Variants in PHACTR3 observed in about 807,000 individuals in gnomAD.
The protein encoded by PHACTR3 is protein phosphatase 1, regulatory subunit 123.
A neutral mutation model predicts 66.8 loss-of-function variants in PHACTR3; 16 were observed. That is an observed-to-expected ratio of 0.24 (90% confidence interval 0.16 to 0.36). PHACTR3 has a LOEUF of 0.36. PHACTR3 is among the 10% of genes least tolerant of loss of function. PHACTR3 has a pLI of 1.00. For missense variants in PHACTR3, 647 were observed against 719.9 expected (o/e 0.90, Z 1.16); for synonymous variants, 323 against 292.1 (o/e 1.11, Z -1.08).
intron 7 of PHACTR3, among the ~76,000 whole-genome samples, chr20:59,805,375 T>C (rs1488374524): frequency 2.0e-5 from 3 of 151,768 alleles, no homozygotes; most frequent in Non-Finnish European, 1.5e-5. Flanking sequence ...CATGGGCGGG[T>C]GGGGGAAAGG....
At chr20:59,688,895 G>T (rs540637164) in intron 1 of PHACTR3, among the ~76,000 whole-genome samples, 1 of 152,130 alleles carries the variant, frequency 6.6e-6, no homozygotes, top group African/African-American at 2.4e-5. Context: ...CTTTGTTCTC[G>T]TGGGCTTGGG....
intron 8 of PHACTR3, among the ~76,000 whole-genome samples, chr20:59,827,501 G>A (rs897477735): frequency 1.3e-5 from 2 of 152,150 alleles, no homozygotes; most frequent in Non-Finnish European, 1.5e-5. Flanking sequence ...TGCAGCTTGC[G>A]GAGCCCAGGG....
At chr20:59,708,557 G>T (rs898605770) in intron 1 of PHACTR3, among the ~76,000 whole-genome samples, 2 of 152,128 alleles carry the variant, frequency 1.3e-5, no homozygotes, top group African/African-American at 4.8e-5. Flanking sequence ...CCGCTGAGAG[G>T]CACAGAGCAT....
At chr20:59,711,431 C>A in intron 1 of PHACTR3, among the ~76,000 whole-genome samples, 1 of 152,156 alleles carries the variant, frequency 6.6e-6, no homozygotes. Flanking sequence ...CTTTTCCAAT[C>A]TGATGAGTTG....
rs559065300 is a variant in PHACTR3 at position 59,610,170 on chromosome 20, G to A, written c.118+5038G>A. 1.6e-4 allele frequency among the ~76,000 whole-genome samples: 25 copies of A among 152,284 alleles called. No individual in the cohort carries two copies. In the South Asian group the frequency reaches 5.0e-3, roughly 30 times the overall value. On this transcript the variant is annotated intron_variant, in intron 1 of 12. Transcript: ENST00000371015. ...CTTGGGGGGCTGAGCCGGGAGGATC[G>A]CTTGAGCTGGGGAAGCAGAGGTTGC...
intron 7 of PHACTR3, among the ~76,000 whole-genome samples, chr20:59,786,052 C>T (rs2040903467): frequency 6.6e-6 from 1 of 152,238 alleles, no homozygotes; most frequent in Non-Finnish European, 1.5e-5. Context: ...AATATCCTTC[C>T]CCTGTGATGC....
chr20:59,741,473 C>T (rs1179854072), intron 1 of PHACTR3, among the ~76,000 whole-genome samples: 1 of 152,204 alleles, frequency 6.6e-6, no homozygotes, highest in Non-Finnish European at 1.5e-5. Context: ...AACGTCCCTT[C>T]CCTGTCCCAG....
upstream of PHACTR3, among the ~76,000 whole-genome samples, chr20:59,600,153 G>A (rs369489150): frequency 1.3e-5 from 2 of 152,016 alleles, no homozygotes; most frequent in East Asian, 1.9e-4. Flanking sequence ...TGCCCGGGGC[G>A]CCCTTCCTCC....
intron 3 of PHACTR3, among the ~76,000 whole-genome samples, 161 bp from the exon 4 acceptor site, chr20:59,755,021 T>C (rs2039733812): frequency 6.6e-6 from 1 of 151,624 alleles, no homozygotes; most frequent in African/African-American, 2.4e-5. Flanking sequence ...CCCTGGAAAG[T>C]CCAGACTTGG....
intron 1 of PHACTR3, among the ~76,000 whole-genome samples, chr20:59,705,174 C>A (rs2037654979): frequency 2.0e-5 from 3 of 152,226 alleles, no homozygotes; most frequent in South Asian, 2.1e-4. Flanking sequence ...CCAGGCTGGT[C>A]TCCAACTCCT....
chr20:59,732,795 G>A (rs998726666), intron 1 of PHACTR3, among the ~76,000 whole-genome samples: 18 of 152,076 alleles, frequency 1.2e-4, no homozygotes, highest in African/African-American at 1.7e-4. Flanking sequence ...TTATTCACTC[G>A]CTCACTCATT....
At chr20:59,593,042 A>G (rs1371711436) in intron 1 of PHACTR3, among the ~76,000 whole-genome samples, 2 of 152,238 alleles carry the variant, frequency 1.3e-5, no homozygotes, top group Admixed American at 1.3e-4. Flanking sequence ...TCGTGTGGTA[A>G]GAGAATTTTT....
At chr20:59,807,603 T>C (rs539124745) in intron 8 of PHACTR3, among the ~76,000 whole-genome samples, 1 of 152,344 alleles carries the variant, frequency 6.6e-6, no homozygotes, top group Non-Finnish European at 1.5e-5. Flanking sequence ...ACGTGTGATG[T>C]ACTGCACGGT....
intron 1 of PHACTR3, among the ~76,000 whole-genome samples, chr20:59,740,813 G>A (rs2039129861): frequency 6.6e-6 from 1 of 152,228 alleles, no homozygotes; most frequent in Admixed American, 6.5e-5. Context: ...CCTGTCACTG[G>A]GGGCACAGAG....
chr20:59,624,507 AC>A, intron 1 of PHACTR3, among the ~76,000 whole-genome samples: 1 of 152,150 alleles, frequency 6.6e-6, no homozygotes, highest in South Asian at 2.1e-4. Context: ...ATCTGAGGAC[AC>A]CCTGCTCTGG....
At chr20:59,774,783 G>GTGAA (rs1199491577) in intron 7 of PHACTR3, among the ~76,000 whole-genome samples, 6 of 152,092 alleles carry the variant, frequency 3.9e-5, no homozygotes, top group Admixed American at 3.9e-4. Context: ...CATAAAAGTG[G>GTGAA]TGAAGCAAGT....
chr20:59,706,363 T>C (rs972563983), intron 1 of PHACTR3, among the ~76,000 whole-genome samples: 1 of 152,216 alleles, frequency 6.6e-6, no homozygotes, highest in African/African-American at 2.4e-5. Flanking sequence ...GCACCAAAAC[T>C]GCAGCACGTT....
At chr20:59,666,220 A>C (rs2035981231) in intron 1 of PHACTR3, among the ~76,000 whole-genome samples, 1 of 152,188 alleles carries the variant, frequency 6.6e-6, no homozygotes, top group Admixed American at 6.5e-5. Context: ...GGTTAGCTCC[A>C]GGCAGACCTA....
At chr20:59,834,081 C>T (rs76806431) in intron 8 of PHACTR3, among the ~76,000 whole-genome samples, 2,984 of 152,290 alleles carry the variant, frequency 0.02, 118 homozygotes, top group African/African-American at 0.067. Context: ...CCACGTTTTA[C>T]TTCCCAAGAT....
Sources: allele counts gnomAD v4.1 joint callset (sites outside exome capture counted in the v4.1 genomes callset), GRCh38; gene constraint gnomAD v4.1.1; transcripts MANE v1.5; gene names NCBI Gene and HGNC (gene_info 2026-07-23, HGNC 2026-07-21).